Variants in KCNJ3 observed in about 807,000 individuals in gnomAD.
KCNJ3 encodes potassium inwardly rectifying channel subfamily J member 3, also known as G protein-activated inward rectifier potassium channel 1.
KCNJ3 carries 4 observed loss-of-function variants against 39.2 expected under a neutral mutation model. That is an observed-to-expected ratio of 0.10 (90% CI 0.05 to 0.23). The LOEUF (loss-of-function observed/expected upper bound fraction) is 0.23. Among genes scored for constraint, KCNJ3 ranks in the 10% least tolerant of loss-of-function variants. The probability of loss-of-function intolerance (pLI) is 1.00; values close to 1 mark genes in which losing one functional copy is unlikely to be tolerated. For synonymous variants in KCNJ3, 230 were observed against 237.4 expected (o/e 0.97, Z 0.29); for missense variants, 276 against 634.9 (o/e 0.43, Z 6.08).
intron 2 of KCNJ3, among the ~76,000 whole-genome samples, chr2:154,848,298 T>G (rs1466107162): frequency 6.6e-6 from 1 of 152,154 alleles, no homozygotes; most frequent in African/African-American, 2.4e-5. Context: ...AGCTCTATCA[T>G]TCTCCTGGAA....
chr2:154,799,191 G>A (rs1053065670), intron 2 of KCNJ3, among the ~76,000 whole-genome samples: 2 of 152,102 alleles, frequency 1.3e-5, no homozygotes, highest in East Asian at 3.9e-4. Context: ...GAGTGCAGTG[G>A]CACGATCTTG....
At chr2:154,718,661 T>C (rs979060173) in intron 2 of KCNJ3, among the ~76,000 whole-genome samples, 1 of 152,172 alleles carries the variant, frequency 6.6e-6, no homozygotes, top group Non-Finnish European at 1.5e-5. Flanking sequence ...ACTTTACTTT[T>C]GTCAAGACTG....
At chr2:154,795,483 T>C (rs1212430057) in intron 2 of KCNJ3, among the ~76,000 whole-genome samples, 1 of 152,058 alleles carries the variant, frequency 6.6e-6, no homozygotes, top group Non-Finnish European at 1.5e-5. Flanking sequence ...ATGATGTATT[T>C]TCCACAGTTT....
At chr2:154,732,688 T>G (rs865906522) in intron 2 of KCNJ3, among the ~76,000 whole-genome samples, 6 of 152,140 alleles carry the variant, frequency 3.9e-5, no homozygotes, top group Admixed American at 6.5e-5. Flanking sequence ...TCTCCATGAG[T>G]TGACATCCCA....
At chr2:154,743,753 A>T (rs1685690864) in intron 2 of KCNJ3, among the ~76,000 whole-genome samples, 1 of 151,596 alleles carries the variant, frequency 6.6e-6, no homozygotes, top group Non-Finnish European at 1.5e-5. Flanking sequence ...TTTTACAAAG[A>T]AAATCATGCA....
At chr2:154,709,075 A>G (rs899795021) in intron 1 of KCNJ3, among the ~76,000 whole-genome samples, 1 of 152,222 alleles carries the variant, frequency 6.6e-6, no homozygotes, top group Non-Finnish European at 1.5e-5. Context: ...TCACTCTTCT[A>G]TTCCATTTTA....
At chr2:154,759,797 T>C (rs917827810) in intron 2 of KCNJ3, among the ~76,000 whole-genome samples, 2 of 152,176 alleles carry the variant, frequency 1.3e-5, no homozygotes, top group African/African-American at 2.4e-5. Flanking sequence ...TTCATTGTAT[T>C]TTTCAAAAAA....
chr2:154,716,570 TA>T (rs1685185249), intron 2 of KCNJ3, among the ~76,000 whole-genome samples: 1 of 152,172 alleles, frequency 6.6e-6, no homozygotes, highest in Non-Finnish European at 1.5e-5. Flanking sequence ...CTCTTATAAT[TA>T]ACACATTATT....
chr2:154,732,538 C>G (rs1174606616), intron 2 of KCNJ3, among the ~76,000 whole-genome samples: 2 of 152,008 alleles, frequency 1.3e-5, no homozygotes, highest in Non-Finnish European at 2.9e-5. Flanking sequence ...TATTACCACT[C>G]AGTTTGAAGT....
intron 2 of KCNJ3, among the ~76,000 whole-genome samples, chr2:154,843,133 TG>T (rs1295794310): frequency 1.3e-5 from 2 of 152,154 alleles, no homozygotes; most frequent in African/African-American, 4.8e-5. Context: ...GCAGGCCTGG[TG>T]GTGACAAAAT....
chr2:154,784,855 C>A (rs1163211747), intron 2 of KCNJ3, among the ~76,000 whole-genome samples: 1 of 152,116 alleles, frequency 6.6e-6, no homozygotes, highest in Admixed American at 6.5e-5. Context: ...TGTCTGTTTT[C>A]AACTTGTTAA....
chr2:154,734,625 T>TTTCAA (rs1258202859), intron 2 of KCNJ3, among the ~76,000 whole-genome samples: 1 of 152,164 alleles, frequency 6.6e-6, no homozygotes, highest in African/African-American at 2.4e-5. Flanking sequence ...AGTGCCTGTG[T>TTTCAA]TTCACCCCTC....
chr2:154,807,762 C>G (rs1686937785), intron 2 of KCNJ3, among the ~76,000 whole-genome samples: 1 of 152,136 alleles, frequency 6.6e-6, no homozygotes, highest in Admixed American at 6.6e-5. Context: ...AGTGGCAGAT[C>G]TAAGAGTTGT....
chr2:154,781,718 AG>A (rs1403517369), intron 2 of KCNJ3, among the ~76,000 whole-genome samples: 2 of 152,212 alleles, frequency 1.3e-5, no homozygotes, highest in Non-Finnish European at 2.9e-5. Context: ...GTCAATATTT[AG>A]GTACTTTTTA....
chr2:154,749,920 C>T (rs191225239), intron 2 of KCNJ3, among the ~76,000 whole-genome samples: 1 of 151,954 alleles, frequency 6.6e-6, no homozygotes, highest in East Asian at 1.9e-4. Flanking sequence ...AACAATCTCC[C>T]TATCTCCAAA....
intron 2 of KCNJ3, among the ~76,000 whole-genome samples, chr2:154,845,798 C>T (rs1054335974): frequency 6.6e-6 from 1 of 152,000 alleles, no homozygotes; most frequent in African/African-American, 2.4e-5. Flanking sequence ...TGGTGAAACC[C>T]TTTCTCTACT....
At chr2:154,725,299 T>C (rs551817367) in intron 2 of KCNJ3, among the ~76,000 whole-genome samples, 3 of 151,736 alleles carry the variant, frequency 2.0e-5, no homozygotes, top group African/African-American at 7.2e-5. Context: ...ATTTTTTATA[T>C]CTCGCCATTC....
intron 2 of KCNJ3, among the ~76,000 whole-genome samples, chr2:154,842,462 G>A (rs2105130982): frequency 6.6e-6 from 1 of 152,328 alleles, no homozygotes; most frequent in South Asian, 2.1e-4. Context: ...AGGTCTGCTT[G>A]TTGCAGAGCT....
intron 2 of KCNJ3, among the ~76,000 whole-genome samples, chr2:154,801,559 C>G (rs1301862806): frequency 7.8e-6 from 1 of 128,630 alleles, no homozygotes; most frequent in Admixed American, 8.1e-5. Flanking sequence ...CTTTTCTTTT[C>G]TTTCTTTCTT....
Sources: gnomAD v4.1 joint callset for allele counts (sites outside exome capture counted in the v4.1 genomes callset) on GRCh38, gnomAD v4.1.1 for gene constraint, MANE v1.5 for transcripts, NCBI Gene and HGNC (gene_info 2026-07-23, HGNC 2026-07-21) for gene names.